SYBU: variants seen among roughly 807,000 people sequenced by gnomAD.
SYBU encodes syntabulin.
SYBU carries 21 observed loss-of-function variants against 35.9 expected under a neutral mutation model. That is an observed-to-expected ratio of 0.58 (90% CI 0.41 to 0.84). The LOEUF (loss-of-function observed/expected upper bound fraction) is 0.84. Among genes scored for constraint, SYBU ranks in the 40% least tolerant of loss-of-function variants. The probability of loss-of-function intolerance (pLI) is 0.00; values close to 1 mark genes in which losing one functional copy is unlikely to be tolerated. For missense variants in SYBU, 768 were observed against 848.2 expected (o/e 0.91, Z 1.17); for synonymous variants, 319 against 324.3 (o/e 0.98, Z 0.18).
At chr8:109,598,237 A>G (rs2129988403) in intron 3 of SYBU, among the ~76,000 whole-genome samples, 1 of 152,356 alleles carries the variant, frequency 6.6e-6, no homozygotes, top group South Asian at 2.1e-4. Context: ...ATACAGATAC[A>G]CACTGTAGTA....
At chr8:109,607,805 AACTC>A (rs1826216686) in intron 3 of SYBU, 7 of 332,378 alleles carry the variant, frequency 2.1e-5, no homozygotes, top group Admixed American at 1.3e-4. Flanking sequence ...TACCACAACT[AACTC>A]ACACACACAC....
chr8:109,596,370 TTTTG>T (rs942010291), intron 3 of SYBU, among the ~76,000 whole-genome samples: 6 of 152,224 alleles, frequency 3.9e-5, no homozygotes, highest in African/African-American at 1.4e-4. Context: ...GGTATTTATG[TTTTG>T]TTTATGTTTA....
Position 109,644,783 on chromosome 8 carries a change from G to A in SYBU, c.-124C>T, listed in dbSNP as rs1815420731. 2 of 966,216 alleles carry A rather than the reference G, an allele frequency of 2.1e-6. No homozygotes were observed. The highest frequency in any genetic ancestry group is 3.4e-5 in the East Asian group (1 of 29,362). The allele number at this position is 966,216 out of a possible 1,614,324, so 59.9% of individuals were successfully genotyped here. ...GCTGCGGGCGGCGGCTCTTGGTGAG[G>A]CTCCAACGCGCCGCCGCCGCCACTG... On this transcript the variant is annotated 5_prime_UTR_variant, in exon 1 of 7. Coordinates refer to ENST00000276646, the MANE Select transcript of SYBU (RefSeq NM_001099754.2).
rs892515460 is a variant in SYBU, at chr8:109,691,049, G to C, written c.-58+284C>G. On this transcript the variant is annotated intron_variant, in intron 1 of 7. Transcript: ENST00000422135. The surrounding 1 kb of genome is among the most constrained non-coding windows in gnomAD (Gnocchi z 4.7). ...TACATTAGCCTGGCTAATCTTGCTC[G>C]TTGCAACAAGGAGTCCAGCCCGACC... Among the ~76,000 whole-genome samples the C allele has an allele frequency of 1.3e-5, 2 of 152,128 alleles. No homozygotes were observed. Among genetic ancestry groups the C allele is most frequent in the African/African-American group, 2.4e-5 (1 of 41,414 alleles).
upstream of SYBU, chr8:109,646,423 A>G (rs534839566): frequency 2.0e-5 from 3 of 152,362 alleles, no homozygotes; most frequent in South Asian, 6.2e-4. Flanking sequence ...CCTTCTTCCT[A>G]TAACTCCAAA....
intron 3 of SYBU, chr8:109,603,332 C>T: frequency 1.1e-6 from 1 of 909,388 alleles, no homozygotes; most frequent in Non-Finnish European, 1.3e-6. Flanking sequence ...GTTTATAGCA[C>T]TTAAAATGAA....
upstream of SYBU, chr8:109,645,653 C>CTTTTTTTTTT (rs1815617775): frequency 3.8e-6 from 1 of 265,946 alleles, no homozygotes; most frequent in African/African-American, 3.5e-5. Context: ...TTTTCCGTTG[C>CTTTTTTTTTT]TGTTGAAACG....
chr8:109,651,846 G>A (rs981209701), intron 1 of SYBU, among the ~76,000 whole-genome samples: 4 of 151,992 alleles, frequency 2.6e-5, no homozygotes, highest in Non-Finnish European at 5.9e-5. Flanking sequence ...TTTATTAAAG[G>A]GAAGCAATAA....
At position 109,636,888 on chromosome 8, in the gene SYBU, T is replaced by C. The variant is rs983162036; in HGVS notation, c.229+5840A>G. Among the ~76,000 whole-genome samples the C allele has an allele frequency of 2.0e-5, 3 of 152,294 alleles. No individual in the cohort carries two copies. The East Asian group carries it at 5.8e-4, about 29-fold the overall frequency. On this transcript the variant is annotated intron_variant, in intron 2 of 6. Coordinates refer to ENST00000276646, the MANE Select transcript of SYBU (RefSeq NM_001099754.2). ...AGACTAATGACATGGGACCAGTAAA[T>C]ATAGAGTCAGCAACTACAATTTCCA...
In SYBU at chr8:109,586,132, C is replaced by G; in HGVS notation, c.458G>C (p.Ser153Thr). 6.2e-7 allele frequency: 1 copy of G among 1,610,638 alleles called. No homozygotes were observed. The highest frequency in any genetic ancestry group is 8.5e-7 in the Non-Finnish European group (1 of 1,178,788). The change falls in exon 4 of 7, where the codon AGC becomes ACC. Residue 153 changes from serine (S) to threonine (T), a missense_variant. Coordinates refer to ENST00000276646, the MANE Select transcript of SYBU (RefSeq NM_001099754.2). ...GSEADFSSSSSTGSISAPEVH... is the reference protein window; with the variant it reads ...GSEADFSSSSTTGSISAPEVH... ...CTCAGGAGCGGAAATGCTGCCTGTG[C>G]TGCTCGAGGAGCTAAAATCAGCTTC...
At position 109,644,649 on chromosome 8, in the gene SYBU, A is replaced by AG; in HGVS notation, c.10dup (p.Leu4ProfsTer14). On this transcript the variant is annotated frameshift_variant, in exon 1 of 7. Coordinates refer to ENST00000276646, the MANE Select transcript of SYBU (RefSeq NM_001099754.2). LOFTEE classifies it high-confidence loss of function. ...CGCGCTCCTTACCTTGCTCTCGCGG[A>AG]GGGGCCCCATCGCGCCGCTGCCCGC... 6.5e-7 allele frequency: 1 copy of AG among 1,529,588 alleles called. No homozygotes were observed. The highest frequency in any genetic ancestry group is 8.7e-7 in the Non-Finnish European group (1 of 1,145,342). The allele number at this position is 1,529,588 out of a possible 1,614,324, so 94.8% of individuals were successfully genotyped here.
At chr8:109,605,089 G>C (rs908124635) in intron 3 of SYBU, among the ~76,000 whole-genome samples, 1 of 152,236 alleles carries the variant, frequency 6.6e-6, no homozygotes, top group South Asian at 2.1e-4. Context: ...CGTCAGCTGA[G>C]ACCTCAGAAA....
chr8:109,622,529 G>A (rs1586860162), intron 2 of SYBU, among the ~76,000 whole-genome samples: 1 of 152,098 alleles, frequency 6.6e-6, no homozygotes, highest in African/African-American at 2.4e-5. Flanking sequence ...CAGCGTGCCT[G>A]GCCACATTTA....
chr8:109,634,729 A>G (rs1814023094), intron 2 of SYBU, among the ~76,000 whole-genome samples: 1 of 152,206 alleles, frequency 6.6e-6, no homozygotes, highest in African/African-American at 2.4e-5. Flanking sequence ...TTTTAAAACC[A>G]GATAATGTGG....
intron 4 of SYBU, 116 bp from the exon 5 acceptor site, chr8:109,580,118 A>G (rs1239102726): frequency 1.0e-6 from 1 of 962,754 alleles, no homozygotes; most frequent in Non-Finnish European, 1.6e-6. Context: ...GGCGCAATAC[A>G]ATTATTCGTG....
upstream of SYBU, among the ~76,000 whole-genome samples, chr8:109,684,356 T>C (rs1817471220): frequency 6.6e-6 from 1 of 152,226 alleles, no homozygotes; most frequent in Non-Finnish European, 1.5e-5. Context: ...TTCAGGATGA[T>C]TGATAAGTTT....
chr8:109,644,305 C>A lies in SYBU; in HGVS notation c.24+331G>T, dbSNP rs1405200382. On this transcript the variant is annotated intron_variant, in intron 1 of 6. Coordinates refer to ENST00000276646, the MANE Select transcript of SYBU (RefSeq NM_001099754.2). ...CACTGACACGCGGGAGTCCTCTTTT[C>A]CCAGTCGCGGATGCATCAAATTCCT... is the stretch of plus-strand genomic sequence containing the variant. The A allele has an allele frequency of 5.5e-6, 3 of 544,736 alleles. No individual in the cohort carries two copies. The African/African-American group carries it at 5.6e-5, about 10-fold the overall frequency. The allele number at this position is 544,736 out of a possible 1,614,324, so 33.7% of individuals were successfully genotyped here. A position where few individuals can be genotyped will look rare whatever the true frequency, so the allele number is the denominator to read the frequency against.
At chr8:109,622,650 T>A (rs1376475437) in intron 2 of SYBU, among the ~76,000 whole-genome samples, 1 of 152,196 alleles carries the variant, frequency 6.6e-6, no homozygotes, top group African/African-American at 2.4e-5. Context: ...GAGATTTATT[T>A]ATTAAACCTG....
intron 2 of SYBU, among the ~76,000 whole-genome samples, chr8:109,633,668 G>A (rs1813882208): frequency 6.6e-6 from 1 of 152,088 alleles, no homozygotes; most frequent in Admixed American, 6.5e-5. Flanking sequence ...GGGGTAGGGT[G>A]GTGACTAGTG....
Sources: gnomAD v4.1 joint callset for allele counts (sites outside exome capture counted in the v4.1 genomes callset) on GRCh38, gnomAD v4.1.1 for gene constraint, Gnocchi (gnomAD v3.1) non-coding constraint, MANE v1.5 for transcripts, NCBI Gene and HGNC (gene_info 2026-07-23, HGNC 2026-07-21) for gene names.